Variants in SNX7 observed in about 807,000 individuals in gnomAD.
SNX7 encodes sorting nexin-7.
A neutral mutation model predicts 48.4 loss-of-function variants in SNX7; 35 were observed. That is an observed-to-expected ratio of 0.72 (90% CI 0.55 to 0.96). The LOEUF is 0.96. Among genes scored for constraint, SNX7 ranks in the 40% least tolerant of loss-of-function variants. The pLI is 0.00. For synonymous variants in SNX7, 190 were observed against 190.2 expected, an observed-to-expected ratio of 1.00 and a Z score of 0.01; for missense variants, 553 against 548.9, an observed-to-expected ratio of 1.01 and a Z score of -0.07.
chr1:98,695,784 T>C (rs1651422735), intron 5 of SNX7, 68 bp downstream of exon 5: 1 of 1,120,840 alleles, frequency 8.9e-7, no homozygotes, highest in South Asian at 1.3e-5. Flanking sequence ...CATTTGTTGG[T>C]GTAATATAGC....
chr1:98,756,913 G>C (rs1480024128), intron 8 of SNX7, among the ~76,000 whole-genome samples: 4 of 152,026 alleles, frequency 2.6e-5, no homozygotes, highest in African/African-American at 4.8e-5. Flanking sequence ...TTGGAGTTGG[G>C]GCTGGTGGAA....
At chr1:98,671,728 C>G (rs1235104033) in intron 1 of SNX7, among the ~76,000 whole-genome samples, 1 of 152,070 alleles carries the variant, frequency 6.6e-6, no homozygotes, top group Non-Finnish European at 1.5e-5. Context: ...AACCACTCAT[C>G]TAAATTTTCT....
chr1:98,746,724 G>A (rs1654325745), intron 8 of SNX7, among the ~76,000 whole-genome samples: 1 of 152,058 alleles, frequency 6.6e-6, no homozygotes. Flanking sequence ...TTGAACTTAT[G>A]TTTGCATAAT....
At chr1:98,676,056 A>G (rs1375442798) in intron 1 of SNX7, among the ~76,000 whole-genome samples, 2 of 152,102 alleles carry the variant, frequency 1.3e-5, no homozygotes, top group East Asian at 1.9e-4. Flanking sequence ...CCCAACAGCA[A>G]TCCCAACATC....
chr1:98,689,818 T>C (rs1651016366), intron 2 of SNX7, among the ~76,000 whole-genome samples: 1 of 152,194 alleles, frequency 6.6e-6, no homozygotes, highest in African/African-American at 2.4e-5. Context: ...ACTGTGCTGG[T>C]ATTTGATATA....
At chr1:98,682,512 A>G (rs1038161915) in intron 1 of SNX7, among the ~76,000 whole-genome samples, 1 of 152,116 alleles carries the variant, frequency 6.6e-6, no homozygotes, top group African/African-American at 2.4e-5. Context: ...GCTTAATTCT[A>G]CCTGTATATT....
intron 1 of SNX7, among the ~76,000 whole-genome samples, chr1:98,663,298 G>A (rs1340129352): frequency 2.7e-5 from 3 of 111,162 alleles, no homozygotes; most frequent in Admixed American, 1.2e-4. Context: ...TTTTTGTCGG[G>A]GCTGGACCCA....
intron 1 of SNX7, among the ~76,000 whole-genome samples, chr1:98,665,842 G>A (rs1489167197): frequency 1.3e-5 from 2 of 152,084 alleles, no homozygotes; most frequent in Non-Finnish European, 1.5e-5. Context: ...CACCCGTCTC[G>A]GCCTCCCAAA....
intron 7 of SNX7, among the ~76,000 whole-genome samples, chr1:98,726,662 T>A (rs1653191631): frequency 6.6e-6 from 1 of 152,190 alleles, no homozygotes. Context: ...TAAGGGGATT[T>A]TTTTTGGATC....
chr1:98,712,939 A>G (rs559524578), intron 7 of SNX7, among the ~76,000 whole-genome samples: 5 of 152,080 alleles, frequency 3.3e-5, no homozygotes, highest in Non-Finnish European at 7.4e-5. Context: ...TAAAAATAGA[A>G]AATTAGCCAG....
At chr1:98,750,147 CTAGT>C (rs1654511587) in intron 8 of SNX7, among the ~76,000 whole-genome samples, 1 of 151,592 alleles carries the variant, frequency 6.6e-6, no homozygotes, top group African/African-American at 2.4e-5. Context: ...AGGTAAATGT[CTAGT>C]TATTTTACTT....
intron 4 of SNX7, among the ~76,000 whole-genome samples, 177 bp downstream of exon 4, chr1:98,691,876 A>G (rs553084977): frequency 7.6e-4 from 116 of 151,926 alleles, no homozygotes; most frequent in African/African-American, 2.7e-3. Flanking sequence ...AAATCTACAT[A>G]TAAATATTAC....
chr1:98,707,004 AT>A (rs1557811243), intron 7 of SNX7, among the ~76,000 whole-genome samples: 4 of 152,172 alleles, frequency 2.6e-5, no homozygotes, highest in Non-Finnish European at 5.9e-5. Flanking sequence ...TCAGCTGAAG[AT>A]ATGTATTTGG....
At chr1:98,717,390 C>T (rs1254125706) in intron 7 of SNX7, among the ~76,000 whole-genome samples, 1 of 152,160 alleles carries the variant, frequency 6.6e-6, no homozygotes, top group Non-Finnish European at 1.5e-5. Context: ...CAACATTGCA[C>T]ATGCAGGAAT....
At chr1:98,693,488 T>C (rs900214200) in intron 4 of SNX7, among the ~76,000 whole-genome samples, 7 of 152,216 alleles carry the variant, frequency 4.6e-5, no homozygotes, top group South Asian at 4.1e-4. Context: ...TTGTGACTTA[T>C]GTGAAATGAA....
At chr1:98,734,319 T>G (rs1653667259) in intron 7 of SNX7, among the ~76,000 whole-genome samples, 2 of 152,174 alleles carry the variant, frequency 1.3e-5, no homozygotes, top group African/African-American at 4.8e-5. Flanking sequence ...TTTACTTTTG[T>G]GTATCTGTAT....
At position 98,673,237 on chromosome 1, in the gene SNX7, A is replaced by G. The variant is rs1019931805; in HGVS notation, c.180+11326A>G. Among the ~76,000 whole-genome samples the G allele has an allele frequency of 3.5e-4, 53 of 152,194 alleles. 1 individual carries two copies. The highest frequency in any genetic ancestry group is 2.9e-4 in the African/African-American group (12 of 41,460). Reference sequence around the variant, plus strand: ...GCTGGTCATTCCTTCATCACAGTCTATGTTCCAGCCATATGTCTTCTTTCT... The same window carrying G: ...GCTGGTCATTCCTTCATCACAGTCTGTGTTCCAGCCATATGTCTTCTTTCT... On this transcript the variant is annotated intron_variant, in intron 1 of 8. Transcript: ENST00000306121.
intron 2 of SNX7, among the ~76,000 whole-genome samples, chr1:98,689,630 C>A (rs1406733581): frequency 1.3e-5 from 2 of 151,892 alleles, no homozygotes; most frequent in Non-Finnish European, 1.5e-5. Flanking sequence ...CTTCATTGTT[C>A]GTTATGGCAA....
chr1:98,697,263 A>C (rs752707920), intron 5 of SNX7, among the ~76,000 whole-genome samples: 7 of 152,144 alleles, frequency 4.6e-5, no homozygotes, highest in Non-Finnish European at 8.8e-5. Context: ...TGTTCATTAC[A>C]TAACAACTAG....
Sources: gnomAD v4.1 joint callset for allele counts (sites outside exome capture counted in the v4.1 genomes callset) on GRCh38, gnomAD v4.1.1 for gene constraint, MANE v1.5 for transcripts, NCBI Gene and HGNC (gene_info 2026-07-23, HGNC 2026-07-21) for gene names.